Variants in TYMS observed in about 807,000 individuals in gnomAD.
TYMS encodes thymidylate synthase.
In TYMS, 21 loss-of-function variants were observed where a neutral mutation model predicts 39.3. That is an observed-to-expected ratio of 0.54 (90% CI 0.38 to 0.77). TYMS has a LOEUF of 0.77. TYMS is among the 30% of genes least tolerant of loss of function. The probability of loss-of-function intolerance (pLI) is 0.00; values close to 1 mark genes in which losing one functional copy is unlikely to be tolerated. For synonymous variants in TYMS, 171 were observed against 162.2 expected, an observed-to-expected ratio of 1.05 and a Z score of -0.41; for missense variants, 273 against 406.7, an observed-to-expected ratio of 0.67 and a Z score of 2.83.
intron 4 of TYMS, chr18:670,409 G>A: frequency 5.9e-6 from 2 of 340,584 alleles, no homozygotes; most frequent in East Asian, 1.1e-4. Context: ...TGCTGTATTT[G>A]TAATCTGGTG....
At position 662,304 on chromosome 18, in the gene TYMS, C is replaced by G. The variant is rs780803284; in HGVS notation, c.438C>G (p.Tyr146Ter). Residue 146 changes from tyrosine to a stop codon, truncating the protein, a stop_gained, in exon 3 of 7, where the codon TAC becomes TAG. Transcript: ENST00000323274. LOFTEE classifies it high-confidence loss of function. ...AGTGGAGGCATTTTGGGGCAGAATA[C>G]AGAGATATGGAATCAGGTGAGGAGA... ...GFQWRHFGAE[Y>*]RDMESDYSGQ... 4 of 1,611,408 alleles carry G rather than the reference C, an allele frequency of 2.5e-6. No homozygotes were observed. The highest frequency in any genetic ancestry group is 3.4e-6 in the Non-Finnish European group (4 of 1,179,262).
chr18:669,643 C>A (rs1468627767), intron 4 of TYMS, among the ~76,000 whole-genome samples: 1 of 151,986 alleles, frequency 6.6e-6, no homozygotes. Flanking sequence ...ACCAGATGAT[C>A]TTAATTTGTG....
intron 3 of TYMS, among the ~76,000 whole-genome samples, chr18:664,672 A>G (rs1432056592): frequency 6.7e-6 from 1 of 148,688 alleles, no homozygotes; most frequent in African/African-American, 2.5e-5. Flanking sequence ...GATAGCTCTT[A>G]TTATTTTGAA....
rs1395545222 is a variant in TYMS at position 660,671 on chromosome 18, C to T, written c.279+957C>T. 6.6e-6 allele frequency among the ~76,000 whole-genome samples: 1 copy of T among 152,206 alleles called. No individual in the cohort carries two copies. The highest frequency in any genetic ancestry group is 2.4e-5 in the African/African-American group (1 of 41,444). The stretch of plus-strand genomic sequence containing the variant: ...CCCCTTCCAGAGGGCTGAGTAGGTA[C>T]CTCAGGCCGGGGCCAGAGTGCTGTG... On this transcript the variant is annotated intron_variant, in intron 2 of 6. Transcript: ENST00000323274. This position sits in a 1 kb window ranked among gnomAD's most constrained non-coding sequence, Gnocchi z 4.6.
chr18:669,256 G>A (rs1357700637), intron 4 of TYMS, 83 bp downstream of exon 4: 3 of 1,209,510 alleles, frequency 2.5e-6, no homozygotes, highest in African/African-American at 1.5e-5. Context: ...GGCACCTGAG[G>A]GAGGCAGGAC....
In TYMS at chr18:672,964, G is replaced by A. The variant is rs369944864; in HGVS notation, c.909G>A (p.Pro303=). Residue 303 remains proline (P), a synonymous_variant, in exon 7 of 7, where the codon CCG becomes CCA. Transcript: ENST00000323274. The part of the protein sequence containing the change: ...AEDFQIEGYN[P]HPTIKMEMAV ...ACTTTCAGATTGAAGGGTACAATCCGCATCCAACTATTAAAATGGAAATGG... is the reference window on the plus strand; with the variant it reads ...ACTTTCAGATTGAAGGGTACAATCCACATCCAACTATTAAAATGGAAATGG... 3.6e-5 allele frequency: 56 copies of A among 1,574,482 alleles called. No homozygotes were observed. The highest frequency in any genetic ancestry group is 2.7e-4 in the African/African-American group (20 of 74,596).
chr18:668,944 A>G, intron 3 of TYMS, 128 bp from the exon 4 acceptor site: 1 of 664,126 alleles, frequency 1.5e-6, no homozygotes, highest in Non-Finnish European at 2.5e-6. Flanking sequence ...AGGATGCACC[A>G]GATGTCTTGT....
chr18:660,886 C>G lies in TYMS; in HGVS notation c.279+1172C>G, dbSNP rs531541233. On this transcript the variant is annotated intron_variant, in intron 2 of 6. Coordinates refer to ENST00000323274, the MANE Select transcript of TYMS (RefSeq NM_001071.4). This position sits in a 1 kb window ranked among gnomAD's most constrained non-coding sequence, Gnocchi z 4.6. ...TTGTATGGTCTTGGGGCAAGCCAGA[C>G]CCAAGCCCTCTTATCCCATTTTAGA... is the stretch of plus-strand genomic sequence containing the variant. Among the ~76,000 whole-genome samples the G allele has an allele frequency of 6.6e-6, 1 of 152,178 alleles. No homozygotes were observed. The highest frequency in any genetic ancestry group is 2.1e-4 in the South Asian group (1 of 4,832).
intron 3 of TYMS, among the ~76,000 whole-genome samples, chr18:667,982 A>G (rs1195839203): frequency 1.0e-5 from 1 of 97,480 alleles, no homozygotes; most frequent in African/African-American, 5.4e-5. Context: ...TGTTTTACAG[A>G]TTCACAGGAA....
In TYMS at chr18:658,442, T is replaced by G. The variant is rs1001466540; in HGVS notation, c.205+495T>G. 33 of 868,812 alleles carry G rather than the reference T, an allele frequency of 3.8e-5. No individual in the cohort carries two copies. Among genetic ancestry groups the G allele is most frequent in the Non-Finnish European group, 4.9e-5 (32 of 646,558 alleles). 53.8% of individuals were successfully genotyped at this position (868,812 alleles called of 1,614,324 possible). On this transcript the variant is annotated intron_variant, in intron 1 of 6. Coordinates refer to ENST00000323274, the MANE Select transcript of TYMS (RefSeq NM_001071.4). The surrounding 1 kb of genome is among the most constrained non-coding windows in gnomAD (Gnocchi z 4.5). Reference sequence around the variant, plus strand: ...GGCGGGAAGAGGAGAGCACTGAAGCTGGCGCGGGAACTTGGTTTCCTGGTG... The same window carrying G: ...GGCGGGAAGAGGAGAGCACTGAAGCGGGCGCGGGAACTTGGTTTCCTGGTG...
rs1318360090 is a variant in TYMS at position 666,998 on chromosome 18, GA to G, written c.455-2073del. Among the ~76,000 whole-genome samples the G allele has an allele frequency of 9.5e-4, 6 of 6,348 alleles. 1 individual carries two copies. Among genetic ancestry groups the G allele is most frequent in the Admixed American group, 1.6e-3 (1 of 644 alleles). The allele number at this position is 6,348 out of a possible 152,430, so 4.2% of individuals were successfully genotyped here. A position where few individuals can be genotyped will look rare whatever the true frequency, so the allele number is the denominator to read the frequency against. ...GGAGATGGAGATGGTGATGGTGATG[GA>G]GATGGTGATGGTGATGGAGATGGAG... On this transcript the variant is annotated intron_variant, in intron 3 of 6. Transcript: ENST00000323274.
Position 658,543 on chromosome 18 carries a change from T to C in TYMS, c.205+596T>C, listed in dbSNP as rs557170875. 1.0e-5 allele frequency: 3 copies of C among 290,972 alleles called. No individual in the cohort carries two copies. The highest frequency in any genetic ancestry group is 4.8e-5 in the African/African-American group (2 of 41,670). The allele number at this position is 290,972 out of a possible 1,614,324, so 18.0% of individuals were successfully genotyped here. A position where few individuals can be genotyped will look rare whatever the true frequency, so the allele number is the denominator to read the frequency against. ...AGAAATTCGGGAGTTCGAGTATAAG[T>C]TCTTAGTCGTCCTTTCCTCTTTCCT... On this transcript the variant is annotated intron_variant, in intron 1 of 6. Transcript: ENST00000323274. This position sits in a 1 kb window ranked among gnomAD's most constrained non-coding sequence, Gnocchi z 4.5.
intron 3 of TYMS, among the ~76,000 whole-genome samples, chr18:666,986 GT>G (rs1363019619): frequency 6.4e-4 from 5 of 7,860 alleles, no homozygotes; most frequent in Non-Finnish European, 1.6e-3. Context: ...GATGGAGATG[GT>G]GATGGTGATG....
rs887590638 is a variant in TYMS at position 658,302 on chromosome 18, G to A, written c.205+355G>A. 1.4e-6 allele frequency: 2 copies of A among 1,391,324 alleles called. No individual in the cohort carries two copies. 86.2% of individuals were successfully genotyped at this position (1,391,324 alleles called of 1,614,324 possible). The stretch of plus-strand genomic sequence containing the variant: ...TAGGGAGAGCTGCCTGGGCTTGACC[G>A]CGCGCCGGTCTCAAAGTCCTGGCTT... On this transcript the variant is annotated intron_variant, in intron 1 of 6. Coordinates refer to ENST00000323274, the MANE Select transcript of TYMS (RefSeq NM_001071.4). This position sits in a 1 kb window ranked among gnomAD's most constrained non-coding sequence, Gnocchi z 4.5.
At position 667,388 on chromosome 18, in the gene TYMS, T is replaced by A. The variant is rs373539472; in HGVS notation, c.455-1684T>A. Among the ~76,000 whole-genome samples the A allele has an allele frequency of 2.1e-3, 33 of 15,510 alleles. 6 individuals are homozygous for A. The highest frequency in any genetic ancestry group is 3.2e-3 in the Non-Finnish European group (26 of 8,248). 10.2% of individuals were successfully genotyped at this position (15,510 alleles called of 152,430 possible). A position where few individuals can be genotyped will look rare whatever the true frequency, so the allele number is the denominator to read the frequency against. On this transcript the variant is annotated intron_variant, in intron 3 of 6. Coordinates refer to ENST00000323274, the MANE Select transcript of TYMS (RefSeq NM_001071.4). ...GAGATGGTGATGGTGATGGTGATGGTGATGGAGATGGTGATGGTGATGGTG... is the reference window on the plus strand; with the variant it reads ...GAGATGGTGATGGTGATGGTGATGGAGATGGAGATGGTGATGGTGATGGTG...
intron 4 of TYMS, 27 bp downstream of exon 4, chr18:669,200 T>G (rs2074928938): frequency 6.3e-7 from 1 of 1,591,050 alleles, no homozygotes; most frequent in African/African-American, 1.3e-5. Context: ...CGTCTTCATT[T>G]ATACTAACCA....
chr18:662,283 G>A lies in TYMS; in HGVS notation c.417G>A (p.Trp139Ter). The A allele has an allele frequency of 6.2e-7, 1 of 1,613,666 alleles. No individual in the cohort carries two copies. ...GDLGPVYGFQWRHFGAEYRDM... is the reference protein window; with the variant it reads ...GDLGPVYGFQ ...TGGGCCCAGTTTATGGCTTCCAGTG[G>A]AGGCATTTTGGGGCAGAATACAGAG... The change falls in exon 3 of 7, where the codon TGG (tryptophan) becomes TGA (stop). Residue 139 changes from tryptophan to a stop codon, truncating the protein, a stop_gained. Coordinates refer to ENST00000323274, the MANE Select transcript of TYMS (RefSeq NM_001071.4). LOFTEE classifies it high-confidence loss of function.
chr18:659,376 C>T (rs1375412280), intron 1 of TYMS, among the ~76,000 whole-genome samples: 1 of 152,128 alleles, frequency 6.6e-6, no homozygotes, highest in African/African-American at 2.4e-5. Flanking sequence ...ACATGTTCAT[C>T]CCTGCCCTCG....
chr18:670,884 AG>A lies in TYMS; in HGVS notation c.732+20del. 6.2e-7 allele frequency: 1 copy of A among 1,613,324 alleles called. No individual in the cohort carries two copies. Among genetic ancestry groups the A allele is most frequent in the Non-Finnish European group, 8.5e-7 (1 of 1,179,472 alleles). ...GGCCTGAAGGTGGGCTGTCTCGGGA[AG>A]GGTGACTTGCCAGCCTACCACACTG... On this transcript the variant is annotated intron_variant, in intron 5 of 6. Coordinates refer to ENST00000323274, the MANE Select transcript of TYMS (RefSeq NM_001071.4).
Sources: gnomAD v4.1 joint callset for allele counts (sites outside exome capture counted in the v4.1 genomes callset) on GRCh38, gnomAD v4.1.1 for gene constraint, Gnocchi (gnomAD v3.1) non-coding constraint, MANE v1.5 for transcripts, NCBI Gene and HGNC (gene_info 2026-07-23, HGNC 2026-07-21) for gene names.